Variants in MID1 observed in about 807,000 individuals in gnomAD.
MID1 encodes the protein midline 1.
A neutral mutation model predicts 40.4 loss-of-function variants in MID1; 7 were observed. The observed-to-expected ratio is 0.17, with a 90% confidence interval of 0.10 to 0.33. MID1 has a LOEUF of 0.33. MID1 is among the 10% of genes least tolerant of loss of function. The pLI, the probability that MID1 is intolerant of heterozygous loss-of-function variation, is 1.00. For synonymous variants in MID1, 229 were observed against 221.2 expected (o/e 1.04, Z -0.31); for missense variants, 367 against 558.5 (o/e 0.66, Z 3.46).
At chrX:10,669,179 A>T (rs2042971063) in intron 1 of MID1, among the ~76,000 whole-genome samples, 1 of 98,511 alleles carries the variant, frequency 1.0e-5, no homozygotes, top group Non-Finnish European at 2.0e-5. Context: ...AGATTGCACC[A>T]CTGCAGTCCG....
At chrX:10,445,529 G>A (rs1419534863), downstream of MID1, 3 of 111,992 alleles carry the variant, frequency 2.7e-5, no homozygotes, top group Non-Finnish European at 5.6e-5. Flanking sequence ...TGATGAAAAG[G>A]CAACAGAGAC....
upstream of MID1, among the ~76,000 whole-genome samples, chrX:10,623,393 G>C (rs1935962619): frequency 8.9e-6 from 1 of 111,857 alleles, no homozygotes; most frequent in South Asian, 3.8e-4. Flanking sequence ...CAAACGAACA[G>C]ATGTTCTGTT....
At chrX:10,815,225 C>A (rs1309252893) in intron 1 of MID1, among the ~76,000 whole-genome samples, 16 of 112,030 alleles carry the variant, frequency 1.4e-4, no homozygotes, top group African/African-American at 5.2e-4. Context: ...TGCCATCTTG[C>A]ATTCTCATTT....
At chrX:10,516,188 CTTTTTTTTTTTT>C (rs1191096522) in intron 3 of MID1, among the ~76,000 whole-genome samples, 6 of 71,494 alleles carry the variant, frequency 8.4e-5, no homozygotes, top group East Asian at 4.3e-4. Context: ...TGAAGTTGCT[CTTTTTTTTTTTT>C]TTTTTTTTTT....
intron 1 of MID1, among the ~76,000 whole-genome samples, chrX:10,617,300 T>C (rs918209856): frequency 3.6e-5 from 4 of 111,908 alleles, no homozygotes; most frequent in Non-Finnish European, 7.5e-5. Context: ...AGAGAATAAA[T>C]AGATCGTGTT....
intron 1 of MID1, among the ~76,000 whole-genome samples, chrX:10,802,326 AC>A (rs1047862749): frequency 1.8e-5 from 2 of 112,277 alleles, no homozygotes; most frequent in African/African-American, 6.5e-5. Flanking sequence ...AACTTAAACA[AC>A]TGAACATGTA....
At chrX:10,754,316 G>A (rs58207963) in intron 1 of MID1, among the ~76,000 whole-genome samples, 1 of 105,408 alleles carries the variant, frequency 9.5e-6, no homozygotes, top group Non-Finnish European at 1.9e-5. Context: ...TTTGTTTTTT[G>A]TTTTTTGTTT....
At chrX:10,664,539 G>A (rs752052601) in intron 1 of MID1, among the ~76,000 whole-genome samples, 2 of 112,034 alleles carry the variant, frequency 1.8e-5, no homozygotes, top group Non-Finnish European at 3.8e-5. Context: ...TTTGGCTATT[G>A]TAAATAATGC....
chrX:10,690,443 A>G (rs746086796), intron 1 of MID1, among the ~76,000 whole-genome samples: 1 of 112,467 alleles, frequency 8.9e-6, no homozygotes, highest in East Asian at 2.8e-4. Flanking sequence ...TAAGGCTGTT[A>G]GCGTTATCCT....
chrX:10,475,261 C>T (rs1213641237), intron 5 of MID1: 2 of 321,560 alleles, frequency 6.2e-6, no homozygotes, highest in Admixed American at 3.2e-5. Context: ...TAATCAATTA[C>T]TAGCCTCTCT....
chrX:10,567,627 G>C (rs1934605597), intron 1 of MID1, 24 bp from the exon 2 acceptor site: 1 of 1,118,620 alleles, frequency 8.9e-7, no homozygotes, highest in African/African-American at 1.8e-5. Context: ...TGTAAGATTT[G>C]ATTAGGCACA....
chrX:10,734,412 A>G (rs1486144743), intron 1 of MID1, among the ~76,000 whole-genome samples: 1 of 110,943 alleles, frequency 9.0e-6, no homozygotes, highest in Non-Finnish European at 1.9e-5. Flanking sequence ...GAAGAGGGAG[A>G]GGAGCAGAAA....
intron 1 of MID1, among the ~76,000 whole-genome samples, chrX:10,827,471 C>CAGAG (rs58413595): frequency 1.9e-4 from 16 of 85,127 alleles, no homozygotes; most frequent in Admixed American, 2.5e-4. Context: ...GCCCACCAGC[C>CAGAG]AGAGAGAGAG....
intron 1 of MID1, among the ~76,000 whole-genome samples, chrX:10,736,458 T>C (rs2043488665): frequency 1.8e-5 from 2 of 112,193 alleles, no homozygotes; most frequent in Non-Finnish European, 3.8e-5. Flanking sequence ...TGTTCAATAC[T>C]GCAGCTCCCC....
At chrX:10,545,401 G>A (rs773037011) in intron 2 of MID1, among the ~76,000 whole-genome samples, 6 of 112,264 alleles carry the variant, frequency 5.3e-5, no homozygotes, top group Non-Finnish European at 7.5e-5. Flanking sequence ...CTTTCGTTAA[G>A]TGTGGGATCT....
chrX:10,495,575 A>G lies in MID1; in HGVS notation c.864+9T>C. The G allele has an allele frequency of 8.6e-7, 1 of 1,164,006 alleles. No homozygotes were observed. The highest frequency in any genetic ancestry group is 1.8e-5 in the South Asian group (1 of 55,899). On this transcript the variant is annotated intron_variant, in intron 4 of 9. Coordinates refer to ENST00000317552, the MANE Select transcript of MID1 (RefSeq NM_000381.4). ...GAGAATATGAAATCTTCTGCCCTAG[A>G]AATCATACCTTCCCTTCTTTGATCT... is the stretch of plus-strand genomic sequence containing the variant.
At chrX:10,742,085 C>T (rs781399188) in intron 1 of MID1, among the ~76,000 whole-genome samples, 1 of 110,975 alleles carries the variant, frequency 9.0e-6, no homozygotes, top group Admixed American at 9.6e-5. Flanking sequence ...CTCGCCCCAC[C>T]TCTCCCTTTG....
rs113847616 is a variant in MID1, at chrX:10,482,759, A to G, written c.865-131T>C. On this transcript the variant is annotated intron_variant, in intron 4 of 9. Transcript: ENST00000317552. ...GTTCAAAAAGTAGGCATAGAGATAT[A>G]TCAAAATATGGAAAGCTCCGTTATG... 0.054 allele frequency: 35,729 copies of G among 655,955 alleles called. 826 individuals carry two copies. Among genetic ancestry groups the G allele is most frequent in the South Asian group, 0.093 (3,958 of 42,672 alleles). The allele number at this position is 655,955 out of a possible 1,213,427, so 54.1% of individuals were successfully genotyped here. A position where few individuals can be genotyped will look rare whatever the true frequency, so the allele number is the denominator to read the frequency against.
At chrX:10,495,112 T>C (rs1931175316) in intron 4 of MID1, among the ~76,000 whole-genome samples, 1 of 111,496 alleles carries the variant, frequency 9.0e-6, no homozygotes, top group Non-Finnish European at 1.9e-5. Context: ...ACCCCAGGGG[T>C]TTTGGGACCA....
Sources: allele counts gnomAD v4.1 joint callset (sites outside exome capture counted in the v4.1 genomes callset), GRCh38; gene constraint gnomAD v4.1.1; transcripts MANE v1.5; gene names NCBI Gene and HGNC (gene_info 2026-07-23, HGNC 2026-07-21).